MSRA: variants seen among roughly 807,000 people sequenced by gnomAD.
MSRA encodes the protein mitochondrial peptide methionine sulfoxide reductase.
Under a neutral mutation model 31.3 loss-of-function variants are expected in MSRA, and 54 were observed. That is an observed-to-expected ratio of 1.73 (90% CI 1.39 to 2.17). MSRA has a LOEUF of 2.17. Ranked by LOEUF, MSRA falls within the 30% of genes most tolerant of loss-of-function variation. The probability of loss-of-function intolerance (pLI) is 0.00; values close to 1 mark genes in which losing one functional copy is unlikely to be tolerated. For missense variants in MSRA, 507 were observed against 300.9 expected (o/e 1.69, Z -5.07); for synonymous variants, 169 against 116.5 (o/e 1.45, Z -2.90).
At chr8:10,267,986 C>T (rs1182900819) in intron 3 of MSRA, among the ~76,000 whole-genome samples, 3 of 152,194 alleles carry the variant, frequency 2.0e-5, no homozygotes, top group Admixed American at 1.3e-4. Context: ...TGCATATTTC[C>T]CTCATTGCAT....
intron 4 of MSRA, among the ~76,000 whole-genome samples, chr8:10,305,409 C>CTTTTTTTTTTT (rs549346544): frequency 9.8e-5 from 12 of 122,964 alleles, no homozygotes; most frequent in African/African-American, 3.3e-4. Context: ...TGTTTTCTTC[C>CTTTTTTTTTTT]TTTTTTTTTT....
chr8:10,227,738 G>A (rs1248699628), intron 2 of MSRA, among the ~76,000 whole-genome samples: 2 of 152,192 alleles, frequency 1.3e-5, no homozygotes, highest in East Asian at 1.9e-4. Context: ...TAGGAATGAT[G>A]TGGACAGAAG....
intron 3 of MSRA, among the ~76,000 whole-genome samples, chr8:10,247,520 C>G (rs1797685431): frequency 6.6e-6 from 1 of 152,134 alleles, no homozygotes; most frequent in Non-Finnish European, 1.5e-5. Context: ...ATTCTTTTGT[C>G]TTTCTTATGT....
chr8:10,071,151 C>T (rs1172275370), intron 1 of MSRA, among the ~76,000 whole-genome samples: 1 of 152,162 alleles, frequency 6.6e-6, no homozygotes, highest in Non-Finnish European at 1.5e-5. Context: ...TCTCTGCATC[C>T]TCTCTAGCAT....
intron 5 of MSRA, among the ~76,000 whole-genome samples, chr8:10,372,315 C>T (rs1241881120): frequency 6.6e-6 from 1 of 152,204 alleles, no homozygotes. Context: ...GGAAAGTGCT[C>T]AGAGTCATTT....
At chr8:10,299,491 C>G (rs982109099) in intron 3 of MSRA, among the ~76,000 whole-genome samples, 3 of 152,048 alleles carry the variant, frequency 2.0e-5, no homozygotes, top group Non-Finnish European at 4.4e-5. Context: ...AGCATAAAAT[C>G]TGTTTAGATG....
intron 1 of MSRA, among the ~76,000 whole-genome samples, chr8:10,196,971 G>A (rs889441723): frequency 3.9e-5 from 6 of 152,094 alleles, no homozygotes; most frequent in African/African-American, 1.4e-4. Flanking sequence ...ATATGTTTTA[G>A]ACTCAATAGG....
intron 5 of MSRA, among the ~76,000 whole-genome samples, chr8:10,342,118 A>G (rs760430163): frequency 3.3e-4 from 50 of 152,284 alleles, no homozygotes; most frequent in Non-Finnish European, 6.3e-4. Flanking sequence ...CAGCTGTGCA[A>G]AAGCAACACT....
At chr8:10,173,180 G>T (rs1805748191) in intron 1 of MSRA, among the ~76,000 whole-genome samples, 1 of 152,152 alleles carries the variant, frequency 6.6e-6, no homozygotes, top group Admixed American at 6.5e-5. Flanking sequence ...AGTGCTTTTG[G>T]TTCGACTATG....
chr8:10,054,904 C>G lies in MSRA; in HGVS notation c.142+246C>G, dbSNP rs540137688. On this transcript the variant is annotated intron_variant, in intron 1 of 5. Coordinates refer to ENST00000317173, the MANE Select transcript of MSRA (RefSeq NM_012331.5). ...GCCAAACTGGGCATTCTGAAGGAAT[C>G]TAGTGCATCGGTCTCACTTACCCGG... Among the ~76,000 whole-genome samples the G allele has an allele frequency of 1.2e-4, 18 of 152,368 alleles. No individual in the cohort carries two copies. In the South Asian group the frequency reaches 2.9e-3, roughly 25 times the overall value.
intron 1 of MSRA, among the ~76,000 whole-genome samples, chr8:10,161,169 C>T (rs767945033): frequency 5.9e-5 from 9 of 152,182 alleles, no homozygotes; most frequent in Non-Finnish European, 8.8e-5. Flanking sequence ...GTATAAATCT[C>T]CTTTGCCGCC....
intron 3 of MSRA, among the ~76,000 whole-genome samples, chr8:10,283,456 T>C (rs946641796): frequency 2.0e-5 from 3 of 152,016 alleles, no homozygotes; most frequent in Admixed American, 2.0e-4. Flanking sequence ...TTTTATTTCC[T>C]TAAGTTTTGG....
chr8:10,367,993 A>G (rs1805263913), intron 5 of MSRA, among the ~76,000 whole-genome samples: 1 of 152,192 alleles, frequency 6.6e-6, no homozygotes, highest in Non-Finnish European at 1.5e-5. Context: ...GGCCAATGCT[A>G]GCCCATCAGG....
At chr8:10,273,096 C>G (rs1001573289) in intron 3 of MSRA, among the ~76,000 whole-genome samples, 1 of 152,148 alleles carries the variant, frequency 6.6e-6, no homozygotes, top group African/African-American at 2.4e-5. Flanking sequence ...AAGCTATTCA[C>G]ATGCATATTT....
rs372503609 is a variant in MSRA, at chr8:10,283,836, TACACAC to T, written c.332-17670_332-17665del. 7.6e-3 allele frequency among the ~76,000 whole-genome samples: 400 copies of T among 52,886 alleles called. 11 individuals carry two copies. The highest frequency in any genetic ancestry group is 0.036 in the East Asian group (42 of 1,182). 34.7% of individuals were successfully genotyped at this position (52,886 alleles called of 152,430 possible). ...ATATATATATATATATATATATATA[TACACAC>T]ACACACACACACACACACACACACA... On this transcript the variant is annotated intron_variant, in intron 3 of 5. Coordinates refer to ENST00000317173, the MANE Select transcript of MSRA (RefSeq NM_012331.5).
At chr8:10,304,271 A>T (rs1197961215) in intron 4 of MSRA, among the ~76,000 whole-genome samples, 1 of 152,264 alleles carries the variant, frequency 6.6e-6, no homozygotes, top group East Asian at 1.9e-4. Flanking sequence ...CATCTGGGAT[A>T]CGCACGAGTA....
At chr8:10,254,398 T>A (rs1047396287) in intron 3 of MSRA, among the ~76,000 whole-genome samples, 2 of 152,240 alleles carry the variant, frequency 1.3e-5, no homozygotes, top group South Asian at 4.1e-4. Flanking sequence ...TCCACTCTGG[T>A]TTATTGTTAT....
chr8:10,334,051 C>G (rs572165526), intron 5 of MSRA, among the ~76,000 whole-genome samples: 2 of 152,118 alleles, frequency 1.3e-5, no homozygotes, highest in African/African-American at 4.8e-5. Flanking sequence ...ACAGCAGCAG[C>G]ATTAAGTTCC....
At chr8:10,097,182 A>C (rs1799215927) in intron 1 of MSRA, among the ~76,000 whole-genome samples, 2 of 152,192 alleles carry the variant, frequency 1.3e-5, no homozygotes, top group South Asian at 2.1e-4. Context: ...ATATGATTGA[A>C]AAATATATGA....
Sources: gnomAD v4.1 joint callset for allele counts (sites outside exome capture counted in the v4.1 genomes callset) on GRCh38, gnomAD v4.1.1 for gene constraint, MANE v1.5 for transcripts, NCBI Gene and HGNC (gene_info 2026-07-23, HGNC 2026-07-21) for gene names.